NRF1: variants seen among roughly 807,000 people sequenced by gnomAD.
NRF1 encodes nuclear respiratory factor 1.
Under a neutral mutation model 58.5 loss-of-function variants are expected in NRF1, and 5 were observed. The ratio of observed to expected loss-of-function variants is 0.09; its 90% confidence interval spans 0.04 to 0.18. The LOEUF (loss-of-function observed/expected upper bound fraction) is 0.18, where lower values mean the gene tolerates loss of function less well. NRF1 is among the 10% of genes least tolerant of loss of function. The pLI is 1.00. For missense variants in NRF1, 288 were observed against 657.7 expected, an observed-to-expected ratio of 0.44 and a Z score of 6.15; for synonymous variants, 224 against 246.7, an observed-to-expected ratio of 0.91 and a Z score of 0.86.
intron 1 of NRF1, among the ~76,000 whole-genome samples, chr7:129,637,461 G>A (rs965314620): frequency 2.0e-5 from 3 of 152,074 alleles, no homozygotes; most frequent in Admixed American, 6.5e-5. Context: ...CATAACAATG[G>A]TTATAAAAGT....
chr7:129,641,038 C>T (rs1801277175), intron 1 of NRF1, among the ~76,000 whole-genome samples: 2 of 151,908 alleles, frequency 1.3e-5, no homozygotes, highest in South Asian at 4.1e-4. Flanking sequence ...AACCATAAGC[C>T]TCCTGGCTCT....
intron 10 of NRF1, among the ~76,000 whole-genome samples, chr7:129,752,996 C>G (rs1266519082): frequency 6.6e-6 from 1 of 152,156 alleles, no homozygotes; most frequent in African/African-American, 2.4e-5. Context: ...TCTAGTGATG[C>G]GTCACCATAA....
chr7:129,730,108 A>T (rs1425306403), intron 10 of NRF1, among the ~76,000 whole-genome samples: 1 of 152,216 alleles, frequency 6.6e-6, no homozygotes, highest in Admixed American at 6.5e-5. Flanking sequence ...TACAGGCGTA[A>T]GCCACTGTGC....
At chr7:129,729,512 A>C (rs36094093) in intron 10 of NRF1, among the ~76,000 whole-genome samples, 45,454 of 152,110 alleles carry the variant, frequency 0.3, 6,860 homozygotes, top group Admixed American at 0.38. Flanking sequence ...GTTGGAAGTT[A>C]TCTCTTTCTG....
chr7:129,729,925 C>T (rs1297597206), intron 10 of NRF1, among the ~76,000 whole-genome samples: 3 of 152,182 alleles, frequency 2.0e-5, no homozygotes, highest in African/African-American at 7.2e-5. Context: ...GCAACTTCTG[C>T]TTCCTGGAAG....
chr7:129,695,815 A>G (rs933470595), intron 5 of NRF1, among the ~76,000 whole-genome samples: 3 of 151,576 alleles, frequency 2.0e-5, no homozygotes, highest in Non-Finnish European at 4.4e-5. Context: ...TTATCTACAC[A>G]TGGTGGCATT....
chr7:129,733,556 T>C (rs1227959994), intron 10 of NRF1, among the ~76,000 whole-genome samples: 2 of 152,128 alleles, frequency 1.3e-5, no homozygotes, highest in African/African-American at 4.8e-5. Context: ...AACTGTAAAA[T>C]TGACTCAAGT....
intron 1 of NRF1, among the ~76,000 whole-genome samples, chr7:129,624,933 G>GGA (rs368245017): frequency 1.3e-5 from 2 of 152,130 alleles, no homozygotes; most frequent in Non-Finnish European, 2.9e-5. Context: ...AGGGAATGCT[G>GGA]GAGAGAGAGA....
intron 4 of NRF1, among the ~76,000 whole-genome samples, chr7:129,687,981 A>G (rs2151091515): frequency 6.6e-6 from 1 of 152,360 alleles, no homozygotes; most frequent in East Asian, 1.9e-4. Context: ...CAAACAAAAG[A>G]TGTTTTAAAA....
intron 3 of NRF1, among the ~76,000 whole-genome samples, chr7:129,673,801 C>T (rs1035338103): frequency 6.6e-6 from 1 of 151,014 alleles, no homozygotes; most frequent in Non-Finnish European, 1.5e-5. Flanking sequence ...AACAAACCTG[C>T]ACATGTATCC....
chr7:129,677,506 C>G (rs1802210588), intron 3 of NRF1, 126 bp from the exon 4 acceptor site: 1 of 816,158 alleles, frequency 1.2e-6, no homozygotes, highest in South Asian at 1.7e-5. Flanking sequence ...CTCACATTCC[C>G]CTTTTCACAT....
At chr7:129,673,727 A>G (rs1279541580) in intron 3 of NRF1, among the ~76,000 whole-genome samples, 1 of 151,660 alleles carries the variant, frequency 6.6e-6, no homozygotes, top group Non-Finnish European at 1.5e-5. Flanking sequence ...AAAAAAAAAA[A>G]AAAAAAAAGC....
chr7:129,728,246 G>A (rs952946531), intron 10 of NRF1, among the ~76,000 whole-genome samples: 5 of 152,082 alleles, frequency 3.3e-5, no homozygotes, highest in South Asian at 2.1e-4. Context: ...GGCTGGGCAC[G>A]GTGGCTCATG....
At chr7:129,690,690 G>T in intron 5 of NRF1, 144 bp downstream of exon 5, 2 of 842,342 alleles carry the variant, frequency 2.4e-6, no homozygotes, top group Non-Finnish European at 1.8e-6. Flanking sequence ...AACAGTAGCA[G>T]CCTTGGAAAA....
At chr7:129,722,949 A>T (rs1178039866) in intron 9 of NRF1, among the ~76,000 whole-genome samples, 1 of 152,224 alleles carries the variant, frequency 6.6e-6, no homozygotes, top group Non-Finnish European at 1.5e-5. Flanking sequence ...CTAATTCCAT[A>T]TAAACAATTC....
intron 4 of NRF1, among the ~76,000 whole-genome samples, chr7:129,683,535 G>A (rs2151089443): frequency 6.6e-6 from 1 of 151,758 alleles, no homozygotes; most frequent in Admixed American, 6.6e-5. Flanking sequence ...TCACCATGTT[G>A]GCCAGGCTGG....
At chr7:129,648,379 A>G (rs573909255) in intron 1 of NRF1, among the ~76,000 whole-genome samples, 1 of 145,840 alleles carries the variant, frequency 6.9e-6, no homozygotes, top group Non-Finnish European at 1.5e-5. Flanking sequence ...TCCCGGGTTC[A>G]CGCCATTCTC....
intron 1 of NRF1, among the ~76,000 whole-genome samples, chr7:129,629,419 A>C (rs1321567178): frequency 6.6e-6 from 1 of 152,018 alleles, no homozygotes; most frequent in Non-Finnish European, 1.5e-5. Context: ...CTGGGGTTAC[A>C]GCTGCCACCA....
At chr7:129,700,977 C>T (rs970168768) in intron 5 of NRF1, among the ~76,000 whole-genome samples, 4 of 152,020 alleles carry the variant, frequency 2.6e-5, no homozygotes, top group African/African-American at 9.7e-5. Context: ...TGGATGTGTT[C>T]TTAAATAGAA....
Sources: gnomAD v4.1 joint callset for allele counts (sites outside exome capture counted in the v4.1 genomes callset) on GRCh38, gnomAD v4.1.1 for gene constraint, MANE v1.5 for transcripts, NCBI Gene and HGNC (gene_info 2026-07-23, HGNC 2026-07-21) for gene names.